The following XPO4 variants were observed in gnomAD, a reference collection of about 807,000 sequenced individuals.
XPO4 encodes the protein exportin 4, also known as exportin-4.
Under a neutral mutation model 143.0 loss-of-function variants are expected in XPO4, and 39 were observed. The observed-to-expected ratio is 0.27, with a 90% CI of 0.21 to 0.36. The LOEUF is 0.36. XPO4 is among the 10% of genes least tolerant of loss of function. XPO4 has a pLI of 1.00. For synonymous variants in XPO4, 439 were observed against 474.0 expected (o/e 0.93, Z 0.96); for missense variants, 907 against 1,348.0 (o/e 0.67, Z 5.12).
intron 1 of XPO4, among the ~76,000 whole-genome samples, chr13:20,881,368 A>G (rs930773740): frequency 2.0e-5 from 3 of 152,010 alleles, no homozygotes; most frequent in Non-Finnish European, 4.4e-5. Flanking sequence ...TCCCGGGTTC[A>G]TGCCATTCTC....
Position 20,783,639 on chromosome 13 carries a change from G to A in XPO4, c.*83C>T. On this transcript the variant is annotated 3_prime_UTR_variant, in exon 23 of 23. Transcript: ENST00000255305. The stretch of plus-strand genomic sequence containing the variant: ...ATCCAAAATGGCCAAATGAACTGAG[G>A]AATAGGACAAGACTCAAGTCAACTT... 1.4e-6 allele frequency: 2 copies of A among 1,459,226 alleles called. No individual in the cohort carries two copies. The highest frequency in any genetic ancestry group is 2.4e-5 in the South Asian group (2 of 84,776). 90.4% of individuals were successfully genotyped at this position (1,459,226 alleles called of 1,614,324 possible).
chr13:20,810,101 G>C (rs2059558703), intron 9 of XPO4, 134 bp from the exon 10 acceptor site: 1 of 685,790 alleles, frequency 1.5e-6, no homozygotes, highest in African/African-American at 2.1e-5. Flanking sequence ...AGTTTTTATT[G>C]AACTTTCTAA....
At chr13:20,824,342 G>A (rs1484598171) in intron 7 of XPO4, among the ~76,000 whole-genome samples, 2 of 152,052 alleles carry the variant, frequency 1.3e-5, no homozygotes, top group East Asian at 3.9e-4. Flanking sequence ...ATGATATCCA[G>A]GGATATATTC....
At chr13:20,844,170 T>C (rs1198307570) in intron 4 of XPO4, among the ~76,000 whole-genome samples, 1 of 152,230 alleles carries the variant, frequency 6.6e-6, no homozygotes, top group Non-Finnish European at 1.5e-5. Flanking sequence ...AATAGTGGAA[T>C]TCAAATGATA....
chr13:20,792,437 C>T (rs895362164), intron 18 of XPO4, among the ~76,000 whole-genome samples: 3 of 151,924 alleles, frequency 2.0e-5, no homozygotes, highest in East Asian at 3.9e-4. Flanking sequence ...CTAAAAAAGG[C>T]GGGCACCTAT....
chr13:20,792,653 G>A (rs1321141482), intron 18 of XPO4, among the ~76,000 whole-genome samples: 2 of 150,278 alleles, frequency 1.3e-5, no homozygotes, highest in East Asian at 3.9e-4. Context: ...AGGCTGAGGT[G>A]GAGGCTGCTG....
At chr13:20,809,057 A>G (rs1196305452) in intron 11 of XPO4, 26 bp downstream of exon 11, 6 of 1,603,660 alleles carry the variant, frequency 3.7e-6, no homozygotes, top group South Asian at 1.1e-5. Flanking sequence ...TATTTGCTCC[A>G]TGGGGTTTCT....
intron 13 of XPO4, among the ~76,000 whole-genome samples, chr13:20,805,971 C>G (rs2059499007): frequency 6.6e-6 from 1 of 151,590 alleles, no homozygotes; most frequent in East Asian, 1.9e-4. Flanking sequence ...TCTCAGATAC[C>G]AAAATGTTTT....
chr13:20,848,938 CAA>C, intron 4 of XPO4: 1 of 985,374 alleles, frequency 1.0e-6, no homozygotes, highest in Non-Finnish European at 1.2e-6. Flanking sequence ...CACTGGCTAA[CAA>C]TTTAAGTAAC....
At chr13:20,797,946 C>T (rs868180026) in intron 16 of XPO4, among the ~76,000 whole-genome samples, 1 of 152,136 alleles carries the variant, frequency 6.6e-6, no homozygotes, top group East Asian at 1.9e-4. Flanking sequence ...GGTCAGGAGA[C>T]CAGCCTGGCC....
chr13:20,876,846 T>C (rs535078646), intron 1 of XPO4, among the ~76,000 whole-genome samples: 1 of 152,220 alleles, frequency 6.6e-6, no homozygotes, highest in South Asian at 2.1e-4. Flanking sequence ...CAGCAAGATA[T>C]ATTGTGAAGA....
chr13:20,879,291 G>C, intron 1 of XPO4: 1 of 985,328 alleles, frequency 1.0e-6, no homozygotes, highest in Non-Finnish European at 1.2e-6. Flanking sequence ...AAACCGGAAG[G>C]AGGGGGACCA....
chr13:20,851,978 G>C (rs2060094291), intron 4 of XPO4: 1 of 985,166 alleles, frequency 1.0e-6, no homozygotes, highest in Non-Finnish European at 1.2e-6. Flanking sequence ...ATTACCCAAG[G>C]GGAAAGGAAG....
chr13:20,842,568 G>C (rs964314371), intron 6 of XPO4, among the ~76,000 whole-genome samples: 2 of 152,004 alleles, frequency 1.3e-5, no homozygotes, highest in African/African-American at 4.8e-5. Flanking sequence ...AAAATGATTC[G>C]GTTTCTTAAA....
intron 4 of XPO4, chr13:20,852,987 C>T (rs1432530513): frequency 1.0e-6 from 1 of 985,190 alleles, no homozygotes; most frequent in East Asian, 1.1e-4. Context: ...ACATGCTGAT[C>T]AGAAATGGAG....
Position 20,865,208 on chromosome 13 carries a change from G to A in XPO4, c.176-2350C>T, listed in dbSNP as rs144201725. On this transcript the variant is annotated intron_variant, in intron 2 of 22. Transcript: ENST00000255305. Reference sequence around the variant, plus strand: ...GACTAGAATGCAATGGCGCAATCTCGGCTCACCACAACCTCTGCCTCCCGG... The same window carrying A: ...GACTAGAATGCAATGGCGCAATCTCAGCTCACCACAACCTCTGCCTCCCGG... Among the ~76,000 whole-genome samples the A allele has an allele frequency of 5.4e-3, 816 of 150,606 alleles. 1 individual carries two copies. Among genetic ancestry groups the A allele is most frequent in the Non-Finnish European group, 9.1e-3 (615 of 67,830 alleles).
chr13:20,799,400 CA>C (rs1383274802), intron 15 of XPO4, 61 bp from the exon 16 acceptor site: 1 of 1,328,324 alleles, frequency 7.5e-7, no homozygotes, highest in Non-Finnish European at 1.0e-6. Flanking sequence ...CACACATACA[CA>C]TATACACACA....
intron 1 of XPO4, among the ~76,000 whole-genome samples, chr13:20,894,863 A>C (rs969536542): frequency 3.5e-5 from 5 of 141,134 alleles, no homozygotes; most frequent in Non-Finnish European, 6.3e-5. Context: ...AAAAAAAAAA[A>C]GGTAGATTTT....
intron 1 of XPO4, chr13:20,902,380 T>C (rs1183075284): frequency 1.0e-6 from 1 of 985,266 alleles, no homozygotes; most frequent in African/African-American, 1.7e-5. Context: ...ACCCAGTCTG[T>C]GGGGCAGGGT....
Sources: allele counts gnomAD v4.1 joint callset (sites outside exome capture counted in the v4.1 genomes callset), GRCh38; gene constraint gnomAD v4.1.1; transcripts MANE v1.5; gene names NCBI Gene and HGNC (gene_info 2026-07-23, HGNC 2026-07-21).